Variants in INPP4B observed in about 807,000 individuals in gnomAD.
The protein encoded by INPP4B is inositol polyphosphate-4-phosphatase type II B.
INPP4B carries 55 observed loss-of-function variants against 122.5 expected under a neutral mutation model. The observed-to-expected ratio is 0.45, with a 90% confidence interval of 0.36 to 0.56. The LOEUF is 0.56. Among genes scored for constraint, INPP4B ranks in the 20% least tolerant of loss-of-function variants. The pLI is 0.00. For missense variants in INPP4B, 1,000 were observed against 1,097.7 expected, an observed-to-expected ratio of 0.91 and a Z score of 1.26; for synonymous variants, 403 against 388.7, an observed-to-expected ratio of 1.04 and a Z score of -0.43.
chr4:142,534,299 G>A (rs368666489), intron 2 of INPP4B, among the ~76,000 whole-genome samples: 13 of 152,174 alleles, frequency 8.5e-5, no homozygotes, highest in East Asian at 5.8e-4. Flanking sequence ...CAAAATTTAC[G>A]TTGAAACTTA....
chr4:142,208,681 AT>A, intron 13 of INPP4B, 152 bp from the exon 14 acceptor site: 1 of 552,474 alleles, frequency 1.8e-6, no homozygotes, highest in Non-Finnish European at 2.9e-6. Context: ...CAAATTCAAT[AT>A]TTTTAAAAAT....
At position 142,759,825 on chromosome 4, in the gene INPP4B, T is replaced by TAAAAAAAAAAA. The variant is rs70949188; in HGVS notation, c.-253-33935_-253-33925dup. On this transcript the variant is annotated intron_variant, in intron 1 of 25. Transcript: ENST00000262992. Reference sequence around the variant, plus strand: ...CCCAGAGCTTATATAGAGCTTTTTCTAAAAAAAAAAAAAAAAAAAAAAAAA... The same window carrying TAAAAAAAAAAA: ...CCCAGAGCTTATATAGAGCTTTTTCTAAAAAAAAAAAAAAAAAAAAAAAAAAAAAAAAAAAA... 9.1e-4 allele frequency among the ~76,000 whole-genome samples: 64 copies of TAAAAAAAAAAA among 70,042 alleles called. 1 individual carries two copies. Among genetic ancestry groups the TAAAAAAAAAAA allele is most frequent in the African/African-American group, 3.4e-3 (60 of 17,890 alleles). The allele number at this position is 70,042 out of a possible 152,430, so 46.0% of individuals were successfully genotyped here.
intron 25 of INPP4B, among the ~76,000 whole-genome samples, chr4:142,052,694 AAC>A (rs1215527132): frequency 1.0e-4 from 1 of 9,586 alleles, no homozygotes; most frequent in African/African-American, 1.2e-4. Context: ...GCAAAGAAAA[AAC>A]AGTAGCAGGA....
chr4:142,131,360 G>A (rs1452515564), intron 18 of INPP4B, among the ~76,000 whole-genome samples: 1 of 152,196 alleles, frequency 6.6e-6, no homozygotes, highest in Non-Finnish European at 1.5e-5. Flanking sequence ...GGCAATCAGA[G>A]AAGTGAAGAG....
At chr4:142,124,869 T>C in intron 18 of INPP4B, 109 bp from the exon 19 acceptor site, 1 of 802,458 alleles carries the variant, frequency 1.2e-6, no homozygotes, top group Non-Finnish European at 1.8e-6. Context: ...TTAGACATAT[T>C]CTTAAGGATT....
At chr4:142,175,606 T>A (rs912093648) in intron 15 of INPP4B, among the ~76,000 whole-genome samples, 3 of 135,116 alleles carry the variant, frequency 2.2e-5, no homozygotes, top group Non-Finnish European at 4.9e-5. Flanking sequence ...TATGTCTTAA[T>A]GCAAGTTAAA....
intron 6 of INPP4B, 66 bp from the exon 7 acceptor site, chr4:142,403,120 T>G: frequency 1.2e-6 from 1 of 844,794 alleles, no homozygotes; most frequent in South Asian, 1.3e-5. Flanking sequence ...AGCACGCAAG[T>G]GACACATGAG....
At chr4:142,262,592 T>C (rs553854353) in intron 10 of INPP4B, among the ~76,000 whole-genome samples, 3 of 152,062 alleles carry the variant, frequency 2.0e-5, no homozygotes, top group East Asian at 1.9e-4. Context: ...ATCAATAATA[T>C]ATTACCTGTT....
Position 142,411,108 on chromosome 4 carries a change from A to C in INPP4B, c.137-5784T>G, listed in dbSNP as rs555520445. 5.9e-5 allele frequency among the ~76,000 whole-genome samples: 9 copies of C among 152,326 alleles called. No individual in the cohort carries two copies. The East Asian group carries it at 1.7e-3, about 29-fold the overall frequency. ...ATCAGATGTGTACACTTGCACTTGT[A>C]ATTTTCACCTCTAATGAGGTACTTC... On this transcript the variant is annotated intron_variant, in intron 5 of 25. Transcript: ENST00000262992.
chr4:142,241,438 G>T (rs1406346800), intron 11 of INPP4B, among the ~76,000 whole-genome samples: 1 of 152,054 alleles, frequency 6.6e-6, no homozygotes, highest in African/African-American at 2.4e-5. Flanking sequence ...ACACATAGAA[G>T]GAAAGTAAAC....
At chr4:142,559,596 C>G (rs1385456720) in intron 2 of INPP4B, among the ~76,000 whole-genome samples, 1 of 152,098 alleles carries the variant, frequency 6.6e-6, no homozygotes, top group Non-Finnish European at 1.5e-5. Flanking sequence ...AAATCATATG[C>G]ATAAGTTTTT....
intron 5 of INPP4B, among the ~76,000 whole-genome samples, chr4:142,421,341 G>T (rs1455547144): frequency 6.6e-6 from 1 of 152,072 alleles, no homozygotes; most frequent in Non-Finnish European, 1.5e-5. Context: ...GTCTATATAA[G>T]TAGGCAATTA....
chr4:142,317,894 G>A (rs559692089), intron 7 of INPP4B, among the ~76,000 whole-genome samples: 6 of 152,250 alleles, frequency 3.9e-5, no homozygotes, highest in Non-Finnish European at 7.4e-5. Flanking sequence ...CATATGTTTG[G>A]GAAATTGGGG....
At chr4:142,235,234 C>T (rs1384350309) in intron 12 of INPP4B, among the ~76,000 whole-genome samples, 2 of 152,002 alleles carry the variant, frequency 1.3e-5, no homozygotes, top group African/African-American at 4.8e-5. Flanking sequence ...GAGTCTATAT[C>T]TTTACTCTTT....
At chr4:142,541,196 T>C (rs1349839522) in intron 2 of INPP4B, among the ~76,000 whole-genome samples, 1 of 152,218 alleles carries the variant, frequency 6.6e-6, no homozygotes, top group Non-Finnish European at 1.5e-5. Flanking sequence ...AACTAGCTCA[T>C]GTAATCCTCA....
At chr4:142,283,166 A>G (rs1280160870) in intron 9 of INPP4B, among the ~76,000 whole-genome samples, 1 of 152,082 alleles carries the variant, frequency 6.6e-6, no homozygotes, top group East Asian at 1.9e-4. Flanking sequence ...CTGACTGGCT[A>G]TAGAGAATAT....
At chr4:142,351,045 C>G (rs1561910144) in intron 7 of INPP4B, among the ~76,000 whole-genome samples, 1 of 151,968 alleles carries the variant, frequency 6.6e-6, no homozygotes, top group Non-Finnish European at 1.5e-5. Flanking sequence ...TTTGTTTGCC[C>G]AAGGAGCAGC....
chr4:142,756,446 C>G lies in INPP4B; in HGVS notation c.-253-30545G>C, dbSNP rs140810151. ...ATACTTGCACCCAAAATCATCCCAA[C>G]TAAGCTACAGCAATATCATCTTATA... On this transcript the variant is annotated intron_variant, in intron 1 of 25. Transcript: ENST00000262992. 5.4e-3 allele frequency among the ~76,000 whole-genome samples: 821 copies of G among 152,160 alleles called. 9 individuals carry two copies. Among genetic ancestry groups the G allele is most frequent in the Admixed American group, 0.027 (414 of 15,250 alleles).
intron 2 of INPP4B, among the ~76,000 whole-genome samples, chr4:142,599,840 G>T (rs1739504397): frequency 6.6e-6 from 1 of 151,614 alleles, no homozygotes; most frequent in Admixed American, 6.6e-5. Flanking sequence ...ATCTTAAAAA[G>T]AACCAAATAG....
Sources: allele counts gnomAD v4.1 joint callset (sites outside exome capture counted in the v4.1 genomes callset), GRCh38; gene constraint gnomAD v4.1.1; transcripts MANE v1.5; gene names NCBI Gene and HGNC (gene_info 2026-07-23, HGNC 2026-07-21).